The following XXYLT1 variants were observed in gnomAD, a reference collection of about 807,000 sequenced individuals.
The protein encoded by XXYLT1 is UDP-xylose:alpha-xyloside alpha-1,3-xylosyltransferase.
In XXYLT1, 20 loss-of-function variants were observed where a neutral mutation model predicts 28.9. That is an observed-to-expected ratio of 0.69 (90% CI 0.49 to 1.00). The LOEUF is 1.00. Among genes scored for constraint, XXYLT1 ranks in the 50% least tolerant of loss-of-function variants. The pLI is 0.00. For synonymous variants in XXYLT1, 257 were observed against 253.8 expected (o/e 1.01, Z -0.12); for missense variants, 542 against 560.1 (o/e 0.97, Z 0.33).
At chr3:195,072,666 G>A (rs191639376) in intron 3 of XXYLT1, among the ~76,000 whole-genome samples, 78 of 152,278 alleles carry the variant, frequency 5.1e-4, no homozygotes, top group African/African-American at 1.6e-3. Flanking sequence ...GAAATTGGGC[G>A]TGCAAGCTGC....
chr3:195,224,093 T>C (rs1457967348), intron 2 of XXYLT1, among the ~76,000 whole-genome samples: 3 of 152,010 alleles, frequency 2.0e-5, no homozygotes, highest in Non-Finnish European at 2.9e-5. Context: ...GAGGCAGAGG[T>C]TGCAGTGAGC....
intron 3 of XXYLT1, among the ~76,000 whole-genome samples, chr3:195,134,877 G>GCA (rs1560112606): frequency 3.0e-5 from 4 of 134,618 alleles, no homozygotes; most frequent in South Asian, 2.5e-4. Context: ...GTGCGTGTGC[G>GCA]CGCGTGCGCG....
At position 195,078,779 on chromosome 3, in the gene XXYLT1, G is replaced by A. The variant is rs553236400; in HGVS notation, c.786-8668C>T. On this transcript the variant is annotated intron_variant, in intron 3 of 3. Coordinates refer to ENST00000310380, the MANE Select transcript of XXYLT1 (RefSeq NM_152531.5). This position sits in a 1 kb window ranked among gnomAD's most constrained non-coding sequence, Gnocchi z 5.0. ...AGAGCTGTCCTCCCCACCTCCCATC[G>A]CACCATCCGGCTGGCAGCTCCTTGC... 3.9e-5 allele frequency among the ~76,000 whole-genome samples: 6 copies of A among 151,998 alleles called. No individual in the cohort carries two copies. The East Asian group carries it at 9.7e-4, about 25-fold the overall frequency.
rs552309151 is a variant in XXYLT1, at chr3:195,233,384, AGTAAGGACT to A, written c.505-6537_505-6529del. ...TTACATTCAATGTTATTATTGATTAAGTAAGGACTTACTCCTGCCATTTTGTTATTTGTT... is the reference window on the plus strand; with the variant it reads ...TTACATTCAATGTTATTATTGATTAATACTCCTGCCATTTTGTTATTTGTT... On this transcript the variant is annotated intron_variant, in intron 1 of 3. Transcript: ENST00000310380. 3.9e-5 allele frequency among the ~76,000 whole-genome samples: 6 copies of A among 152,296 alleles called. No individual in the cohort carries two copies. The East Asian group carries it at 1.2e-3, about 29-fold the overall frequency.
intron 1 of XXYLT1, among the ~76,000 whole-genome samples, chr3:195,245,253 C>T (rs1230783279): frequency 1.3e-4 from 19 of 148,756 alleles, no homozygotes; most frequent in Non-Finnish European, 2.2e-4. Context: ...CTCTGCCTCC[C>T]GGGTTCAAGC....
chr3:195,187,237 CA>C (rs749480905), intron 2 of XXYLT1, among the ~76,000 whole-genome samples: 1,158 of 108,326 alleles, frequency 0.011, 11 homozygotes, highest in African/African-American at 0.034. Context: ...GACTCCATCT[CA>C]AAAAAAAAAA....
chr3:195,118,325 A>G (rs1718156329), intron 3 of XXYLT1, among the ~76,000 whole-genome samples: 1 of 152,246 alleles, frequency 6.6e-6, no homozygotes, highest in South Asian at 2.1e-4. Context: ...CAGGGTGGGG[A>G]GGAAGGCAGT....
intron 3 of XXYLT1, among the ~76,000 whole-genome samples, chr3:195,145,409 C>T (rs959271833): frequency 3.4e-5 from 5 of 148,458 alleles, no homozygotes; most frequent in Admixed American, 2.7e-4. Context: ...TGTGAAGTCA[C>T]ATGAACGGGC....
intron 3 of XXYLT1, chr3:195,095,403 T>G (rs1017799418): frequency 1.3e-5 from 2 of 153,922 alleles, no homozygotes; most frequent in African/African-American, 4.8e-5. Flanking sequence ...TCTCCTTCCT[T>G]GCCTTCCACC....
At chr3:195,159,044 T>G (rs1720742363) in intron 2 of XXYLT1, among the ~76,000 whole-genome samples, 1 of 152,076 alleles carries the variant, frequency 6.6e-6, no homozygotes, top group South Asian at 2.1e-4. Context: ...ATAGCTGAAA[T>G]GATAGCAGTA....
chr3:195,169,211 C>G (rs1035225798), intron 2 of XXYLT1, among the ~76,000 whole-genome samples: 2 of 152,262 alleles, frequency 1.3e-5, no homozygotes, highest in African/African-American at 4.8e-5. Context: ...AGCTGTCATC[C>G]TGATGAGCTC....
chr3:195,121,691 A>G (rs1718368430), intron 3 of XXYLT1, among the ~76,000 whole-genome samples: 1 of 152,184 alleles, frequency 6.6e-6, no homozygotes, highest in African/African-American at 2.4e-5. Context: ...GGCACCCAAA[A>G]CAAGAAAGGC....
At chr3:195,094,363 A>G (rs1716297031) in intron 3 of XXYLT1, among the ~76,000 whole-genome samples, 1 of 152,048 alleles carries the variant, frequency 6.6e-6, no homozygotes, top group South Asian at 2.1e-4. Context: ...TCACGCCCTC[A>G]GTGTCACCTC....
chr3:195,185,377 TAA>T (rs1722148124), intron 2 of XXYLT1, among the ~76,000 whole-genome samples: 2 of 151,800 alleles, frequency 1.3e-5, no homozygotes, highest in South Asian at 2.1e-4. Flanking sequence ...GGGGGAGGAA[TAA>T]AGATACTGAA....
chr3:195,175,472 G>C (rs956366293), intron 2 of XXYLT1, among the ~76,000 whole-genome samples: 9 of 152,126 alleles, frequency 5.9e-5, no homozygotes, highest in African/African-American at 1.9e-4. Flanking sequence ...GGGCACATTT[G>C]GGGAGAGGAC....
intron 3 of XXYLT1, among the ~76,000 whole-genome samples, chr3:195,107,555 AGAG>A (rs1717190711): frequency 5.8e-4 from 2 of 3,422 alleles, no homozygotes; most frequent in Non-Finnish European, 5.5e-4. Flanking sequence ...AGGAGGGGGA[AGAG>A]GGGGAGAGGA....
At chr3:195,259,522 TC>T in intron 1 of XXYLT1, 2 of 977,078 alleles carry the variant, frequency 2.0e-6, no homozygotes, top group Non-Finnish European at 2.4e-6. Context: ...AGGCGGCCCT[TC>T]CAGCAAGCAG....
At chr3:195,228,486 CTTTT>C (rs897820464) in intron 1 of XXYLT1, among the ~76,000 whole-genome samples, 13 of 120,156 alleles carry the variant, frequency 1.1e-4, no homozygotes, top group African/African-American at 3.4e-4. Flanking sequence ...CTATATTTCA[CTTTT>C]TTTTTTTTTT....
Position 195,271,068 on chromosome 3 carries a change from G to T in XXYLT1, c.-10C>A, listed in dbSNP as rs978561329. 1 of 1,335,622 alleles carries T rather than the reference G, an allele frequency of 7.5e-7. No individual in the cohort carries two copies. The highest frequency in any genetic ancestry group is 1.9e-5 in the South Asian group (1 of 53,308). The allele number at this position is 1,335,622 out of a possible 1,614,324, so 82.7% of individuals were successfully genotyped here. On this transcript the variant is annotated 5_prime_UTR_variant, in exon 1 of 4. Transcript: ENST00000310380. The stretch of plus-strand genomic sequence containing the variant: ...CTCGGAGGAGGCCCATGCGCTACGA[G>T]ACCGCGGCGCCAGCGGTGCCAGCAA...
Sources: gnomAD v4.1 joint callset for allele counts (sites outside exome capture counted in the v4.1 genomes callset) on GRCh38, gnomAD v4.1.1 for gene constraint, Gnocchi (gnomAD v3.1) non-coding constraint, MANE v1.5 for transcripts, NCBI Gene and HGNC (gene_info 2026-07-23, HGNC 2026-07-21) for gene names.